Variants in ABCC9 observed in about 807,000 individuals in gnomAD.
ABCC9 encodes the protein ATP-binding cassette sub-family C member 9.
Under a neutral mutation model 188.3 loss-of-function variants are expected in ABCC9, and 95 were observed. The ratio of observed to expected loss-of-function variants is 0.50; its 90% CI spans 0.43 to 0.60. The LOEUF is 0.60. ABCC9 is among the 20% of genes least tolerant of loss of function. The pLI, the probability that ABCC9 is intolerant of heterozygous loss-of-function variation, is 0.00. For missense variants in ABCC9, 1,102 were observed against 1,876.3 expected (o/e 0.59, Z 7.62); for synonymous variants, 659 against 652.7 (o/e 1.01, Z -0.15).
Position 21,799,999 on chromosome 12 carries a change from G to T in ABCC9, c.*1045C>A, listed in dbSNP as rs1941355375. 6.6e-6 allele frequency: 1 copy of T among 152,186 alleles called. No homozygotes were observed. The highest frequency in any genetic ancestry group is 1.5e-5 in the Non-Finnish European group (1 of 68,036). 9.4% of individuals were successfully genotyped at this position (152,186 alleles called of 1,614,324 possible). ...CATTAAAATTAGAGCAGGAGCAAAT[G>T]ATCATGTGTGACACCATTGGGCATA... On this transcript the variant is annotated 3_prime_UTR_variant, in exon 40 of 40. Transcript: ENST00000261200.
At chr12:21,938,759 T>G (rs1949590406) in intron 2 of ABCC9, among the ~76,000 whole-genome samples, 1 of 152,200 alleles carries the variant, frequency 6.6e-6, no homozygotes, top group Non-Finnish European at 1.5e-5. Context: ...ATTACACCCT[T>G]CATTAGCTAT....
intron 12 of ABCC9, among the ~76,000 whole-genome samples, chr12:21,899,797 A>G (rs1472428532): frequency 6.6e-6 from 1 of 152,184 alleles, no homozygotes; most frequent in Non-Finnish European, 1.5e-5. Flanking sequence ...TTGAGTAGGT[A>G]AACAGAGCAG....
Position 21,915,888 on chromosome 12 carries a change from G to C in ABCC9, c.596C>G (p.Pro199Arg), listed in dbSNP as rs1948582454. ...RVRRYVFFMN[P>R]QKVKPPEDLQ... ...GTCTTCAGGAGGCTTTACTTTCTGAGGATTCATGAAAAATACATATCTCTG... is the reference window on the plus strand; with the variant it reads ...GTCTTCAGGAGGCTTTACTTTCTGACGATTCATGAAAAATACATATCTCTG... Residue 199 changes from proline to arginine, a missense_variant, in exon 7 of 40, where the codon CCT (proline) becomes CGT (arginine). Around this residue, in one of 12 missense-constraint regions of ABCC9, gnomAD observed 305 missense variants for 573.0 expected, o/e 0.53. Transcript: ENST00000261200. 6.2e-7 allele frequency: 1 copy of C among 1,612,524 alleles called. No individual in the cohort carries two copies. The highest frequency in any genetic ancestry group is 1.1e-5 in the South Asian group (1 of 91,000).
chr12:21,906,430 A>G, intron 11 of ABCC9, 142 bp from the exon 12 acceptor site: 1 of 781,634 alleles, frequency 1.3e-6, no homozygotes. Flanking sequence ...AGTTCCCAGG[A>G]GAAGCAATTA....
chr12:21,927,371 G>A (rs1389505169), intron 4 of ABCC9, among the ~76,000 whole-genome samples: 1 of 152,166 alleles, frequency 6.6e-6, no homozygotes, highest in Admixed American at 6.5e-5. Context: ...AGTTTGTAGT[G>A]GAGGGAGAGA....
intron 12 of ABCC9, among the ~76,000 whole-genome samples, chr12:21,903,972 A>G (rs1947901747): frequency 6.6e-6 from 1 of 152,230 alleles, no homozygotes; most frequent in South Asian, 2.1e-4. Flanking sequence ...CACATTGCCA[A>G]GACAATCCTA....
chr12:21,836,886 GA>G (rs1944130010), intron 30 of ABCC9, among the ~76,000 whole-genome samples: 1 of 152,076 alleles, frequency 6.6e-6, no homozygotes, highest in African/African-American at 2.4e-5. Context: ...TATCACAAAG[GA>G]AATAAAAAGG....
rs1446006164 is a variant in ABCC9, at chr12:21,926,799, G to A, written c.285-736C>T. 2.0e-5 allele frequency among the ~76,000 whole-genome samples: 3 copies of A among 152,178 alleles called. No homozygotes were observed. The East Asian group carries it at 5.8e-4, about 29-fold the overall frequency. On this transcript the variant is annotated intron_variant, in intron 4 of 39. Coordinates refer to ENST00000261200, the MANE Select transcript of ABCC9 (RefSeq NM_020297.4). ...GTATTGCAAGCAATTCAGCATGACTGCAAGGAGAATAGACTTCACTCTGAA... is the reference window on the plus strand; with the variant it reads ...GTATTGCAAGCAATTCAGCATGACTACAAGGAGAATAGACTTCACTCTGAA...
chr12:21,889,497 C>T (rs1294336424), intron 14 of ABCC9, among the ~76,000 whole-genome samples: 1 of 152,082 alleles, frequency 6.6e-6, no homozygotes, highest in Non-Finnish European at 1.5e-5. Flanking sequence ...TATGTCTCTG[C>T]ACAAAAAAAC....
intron 17 of ABCC9, among the ~76,000 whole-genome samples, chr12:21,874,206 T>G (rs1324688164): frequency 6.6e-6 from 1 of 152,072 alleles, no homozygotes; most frequent in Non-Finnish European, 1.5e-5. Context: ...CGAATAGAGA[T>G]ATTTCTTCAA....
chr12:21,815,961 A>G (rs1942586671), intron 33 of ABCC9, 68 bp from the exon 34 acceptor site: 1 of 1,311,810 alleles, frequency 7.6e-7, no homozygotes, highest in Non-Finnish European at 1.1e-6. Context: ...AGAAATGTAT[A>G]CATACTTAAA....
chr12:21,923,492 T>A (rs1455833650), intron 5 of ABCC9: 1 of 212,974 alleles, frequency 4.7e-6, no homozygotes, highest in African/African-American at 2.3e-5. Context: ...AATAGCCACA[T>A]CCCAAAGATT....
intron 34 of ABCC9, 120 bp downstream of exon 34, chr12:21,815,643 C>G (rs1465964362): frequency 8.0e-7 from 1 of 1,244,140 alleles, no homozygotes; most frequent in African/African-American, 1.5e-5. Flanking sequence ...GATAATTTGA[C>G]CTACATCAGG....
rs780315086 is a variant in ABCC9 at position 21,864,493 on chromosome 12, A to T, written c.2199-16T>A. ...TTCATTTACACTGCAAGTATGGCAAACAATGTTCATTAATTATGAAGTAGA... is the reference window on the plus strand; with the variant it reads ...TTCATTTACACTGCAAGTATGGCAATCAATGTTCATTAATTATGAAGTAGA... On this transcript the variant is annotated splice_polypyrimidine_tract_variant and intron_variant, in intron 18 of 39. Coordinates refer to ENST00000261200, the MANE Select transcript of ABCC9 (RefSeq NM_020297.4). 5 of 1,561,210 alleles carry T rather than the reference A, an allele frequency of 3.2e-6. No individual in the cohort carries two copies. Among genetic ancestry groups the T allele is most frequent in the Non-Finnish European group, 4.4e-6 (5 of 1,132,176 alleles).
intron 39 of ABCC9, 78 bp downstream of exon 39, chr12:21,805,920 T>C: frequency 7.4e-7 from 1 of 1,345,870 alleles, no homozygotes; most frequent in Non-Finnish European, 1.1e-6. Context: ...CACAAGTATA[T>C]TTTGCTAAAA....
intron 16 of ABCC9, among the ~76,000 whole-genome samples, chr12:21,876,885 A>G (rs972034281): frequency 2.0e-5 from 3 of 152,236 alleles, no homozygotes; most frequent in Admixed American, 6.5e-5. Flanking sequence ...CCTTCATAAA[A>G]TGAATAACTT....
intron 29 of ABCC9, among the ~76,000 whole-genome samples, chr12:21,839,153 A>T (rs1944250873): frequency 6.6e-6 from 1 of 152,244 alleles, no homozygotes; most frequent in Non-Finnish European, 1.5e-5. Context: ...AGTCCATATA[A>T]GAGGTTTTTA....
chr12:21,920,606 T>G (rs997482318), intron 5 of ABCC9, among the ~76,000 whole-genome samples: 1 of 151,994 alleles, frequency 6.6e-6, no homozygotes, highest in Non-Finnish European at 1.5e-5. Context: ...AATGTACAAT[T>G]AAATTATTAT....
At chr12:21,921,424 T>A (rs1204261953) in intron 5 of ABCC9, among the ~76,000 whole-genome samples, 1 of 152,048 alleles carries the variant, frequency 6.6e-6, no homozygotes, top group Non-Finnish European at 1.5e-5. Flanking sequence ...TTATTAGTTA[T>A]TTTTTTCCTA....
Sources: gnomAD v4.1 joint callset for allele counts (sites outside exome capture counted in the v4.1 genomes callset) on GRCh38, gnomAD v4.1.1 for gene constraint, gnomAD v4.1.1 regional missense constraint, MANE v1.5 for transcripts, NCBI Gene and HGNC (gene_info 2026-07-23, HGNC 2026-07-21) for gene names.